The following RNF220 variants were observed in gnomAD, a reference collection of about 807,000 sequenced individuals.
RNF220 encodes ring finger protein 220.
In RNF220, 7 loss-of-function variants were observed where a neutral mutation model predicts 67.1. The ratio of observed to expected loss-of-function variants is 0.10; its 90% CI spans 0.06 to 0.20. RNF220 has a LOEUF of 0.20. RNF220 is among the 10% of genes least tolerant of loss of function. RNF220 has a pLI of 1.00. For missense variants in RNF220, 565 were observed against 740.3 expected (o/e 0.76, Z 2.75); for synonymous variants, 270 against 283.2 (o/e 0.95, Z 0.47).
chr1:44,631,798 G>C, intron 5 of RNF220: 1 of 640,186 alleles, frequency 1.6e-6, no homozygotes, highest in Non-Finnish European at 1.9e-6. Context: ...GGACTTCGCA[G>C]CCGCTAAAGA....
chr1:44,644,605 G>C (rs546365647), intron 8 of RNF220, 93 bp from the exon 9 acceptor site: 1 of 930,906 alleles, frequency 1.1e-6, no homozygotes, highest in East Asian at 2.4e-5. Context: ...GGCCTTATCA[G>C]GTCCAAAGCC....
At chr1:44,602,053 A>G (rs1254867450) in intron 2 of RNF220, among the ~76,000 whole-genome samples, 1 of 152,098 alleles carries the variant, frequency 6.6e-6, no homozygotes, top group Non-Finnish European at 1.5e-5. Context: ...GAGCAAGTTA[A>G]ATGGATACAA....
In RNF220 at chr1:44,443,183, G is replaced by A. The variant is rs569369236; in HGVS notation, c.625+30461G>A. Among the ~76,000 whole-genome samples, 9 of 152,224 alleles carry A rather than the reference G, an allele frequency of 5.9e-5. No individual in the cohort carries two copies. In the East Asian group the frequency reaches 1.7e-3, roughly 29 times the overall value. ...CGTGTGGGCACTGAATACTCAGCAG[G>A]ACCAAAACCAGATTTACCATCTTCT... On this transcript the variant is annotated intron_variant, in intron 2 of 14. Coordinates refer to ENST00000361799, the MANE Select transcript of RNF220 (RefSeq NM_018150.4).
chr1:44,610,328 G>T (rs930051347), intron 2 of RNF220, among the ~76,000 whole-genome samples: 1 of 152,198 alleles, frequency 6.6e-6, no homozygotes, highest in Non-Finnish European at 1.5e-5. Flanking sequence ...TAGCAGGAAC[G>T]GCAAGCGCCC....
intron 5 of RNF220, 97 bp downstream of exon 5, chr1:44,626,495 C>CTCTCCTGTGGCCT: frequency 2.1e-6 from 2 of 946,442 alleles, no homozygotes; most frequent in Non-Finnish European, 3.3e-6. Flanking sequence ...CTCTGTAGGC[C>CTCTCCTGTGGCCT]ACAGGAGAGG....
At position 44,418,075 on chromosome 1, in the gene RNF220, C is replaced by T. The variant is rs563590100; in HGVS notation, c.625+5353C>T. Among the ~76,000 whole-genome samples the T allele has an allele frequency of 1.2e-4, 18 of 152,314 alleles. 1 individual carries two copies. In the South Asian group the frequency reaches 3.7e-3, roughly 32 times the overall value. On this transcript the variant is annotated intron_variant, in intron 2 of 14. Transcript: ENST00000361799. The stretch of plus-strand genomic sequence containing the variant: ...AAGAACCCAGTCCCCGATCGGTTTC[C>T]TCTACGCCGTCTGAGCAGAAGAGAG...
In RNF220 at chr1:44,554,085, G is replaced by A. The variant is rs374306279; in HGVS notation, c.626-60080G>A. Reference sequence around the variant, plus strand: ...AAGGCAAGCAAGCTTGGTTGTTGGGGCAGAAGACAGAAATCAGCTTTCAGG... The same window carrying A: ...AAGGCAAGCAAGCTTGGTTGTTGGGACAGAAGACAGAAATCAGCTTTCAGG... On this transcript the variant is annotated intron_variant, in intron 2 of 14. Transcript: ENST00000361799. Among the ~76,000 whole-genome samples, 7 of 152,278 alleles carry A rather than the reference G, an allele frequency of 4.6e-5. No homozygotes were observed. The East Asian group carries it at 1.4e-3, about 29-fold the overall frequency.
At position 44,542,258 on chromosome 1, in the gene RNF220, T is replaced by C. The variant is rs143859375; in HGVS notation, c.626-71907T>C. ...CTGTCAATCAGACAGTGAACAAAGA[T>C]GCACAAGAAACCTCAGTGGGCAGGA... On this transcript the variant is annotated intron_variant, in intron 2 of 14. Transcript: ENST00000361799. Among the ~76,000 whole-genome samples, 665 of 152,316 alleles carry C rather than the reference T, an allele frequency of 4.4e-3. 5 individuals carry two copies. The highest frequency in any genetic ancestry group is 0.015 in the African/African-American group (633 of 41,564).
intron 2 of RNF220, among the ~76,000 whole-genome samples, chr1:44,536,751 C>T (rs1434787186): frequency 1.3e-5 from 2 of 152,112 alleles, no homozygotes; most frequent in South Asian, 2.1e-4. Context: ...AAGGGGAATT[C>T]GAAACAACTG....
intron 2 of RNF220, among the ~76,000 whole-genome samples, chr1:44,555,591 CAG>C (rs1572868817): frequency 2.0e-5 from 3 of 150,134 alleles, no homozygotes; most frequent in East Asian, 2.1e-4. Flanking sequence ...TCTCCTGCCT[CAG>C]CCTCTGGAGT....
At chr1:44,634,276 T>C (rs1260611503) in intron 6 of RNF220, among the ~76,000 whole-genome samples, 3 of 152,204 alleles carry the variant, frequency 2.0e-5, no homozygotes, top group Non-Finnish European at 4.4e-5. Context: ...ATCTTGCCTT[T>C]GCCACTTTTT....
intron 2 of RNF220, among the ~76,000 whole-genome samples, chr1:44,443,120 T>A (rs76651037): frequency 6.6e-6 from 1 of 152,218 alleles, no homozygotes; most frequent in Admixed American, 6.5e-5. Context: ...TTCACTCATG[T>A]GTATCTGGCT....
At chr1:44,632,294 C>T (rs1172985263) in intron 5 of RNF220, 49 bp from the exon 6 acceptor site, 1 of 1,613,964 alleles carries the variant, frequency 6.2e-7, no homozygotes, top group Non-Finnish European at 8.5e-7. Flanking sequence ...GCAGGCCGCG[C>T]CTGACGCTCT....
intron 2 of RNF220, among the ~76,000 whole-genome samples, chr1:44,510,596 C>T (rs1428674066): frequency 6.6e-6 from 1 of 152,186 alleles, no homozygotes; most frequent in African/African-American, 2.4e-5. Flanking sequence ...TTTTACTGCT[C>T]AAAGAAGCCT....
chr1:44,441,192 A>G (rs528229290), intron 2 of RNF220, among the ~76,000 whole-genome samples: 1 of 152,284 alleles, frequency 6.6e-6, no homozygotes, highest in East Asian at 1.9e-4. Context: ...AGTTGAGAGA[A>G]TAGTGTGTCA....
chr1:44,450,698 A>G (rs1360146438), intron 2 of RNF220, among the ~76,000 whole-genome samples: 11 of 152,112 alleles, frequency 7.2e-5, no homozygotes, highest in Non-Finnish European at 1.3e-4. Flanking sequence ...AACTACCACA[A>G]TTTATTTGGT....
In RNF220 at chr1:44,632,656, G is replaced by A. The variant is rs565851588; in HGVS notation, c.949+271G>A. 2.2e-4 allele frequency: 124 copies of A among 570,838 alleles called. No individual in the cohort carries two copies. In the South Asian group the frequency reaches 2.5e-3, roughly 11 times the overall value. The allele number at this position is 570,838 out of a possible 1,614,324, so 35.4% of individuals were successfully genotyped here. On this transcript the variant is annotated intron_variant, in intron 6 of 14. Transcript: ENST00000361799. ...CAATAAGTGCCGGAGAATGAGGAAC[G>A]AGCTACACAATTCTACTCGGGAGCT... is the stretch of plus-strand genomic sequence containing the variant.
chr1:44,557,447 AGAAG>A lies in RNF220; in HGVS notation c.626-56703_626-56700del, dbSNP rs199502720. Among the ~76,000 whole-genome samples, 345 of 151,560 alleles carry A rather than the reference AGAAG, an allele frequency of 2.3e-3. 5 individuals are homozygous for A. In the East Asian group the frequency reaches 0.03, roughly 13 times the overall value. Reference sequence around the variant, plus strand: ...GGGAGGGAGGGAGAGAGGGAGGGAAAGAAGGAAGGAAGGAAGGAGAGCGAAACTG... The same window carrying A: ...GGGAGGGAGGGAGAGAGGGAGGGAAAGAAGGAAGGAAGGAGAGCGAAACTG... On this transcript the variant is annotated intron_variant, in intron 2 of 14. Coordinates refer to ENST00000361799, the MANE Select transcript of RNF220 (RefSeq NM_018150.4).
At chr1:44,543,864 A>T (rs1661892400) in intron 2 of RNF220, among the ~76,000 whole-genome samples, 7 of 152,166 alleles carry the variant, frequency 4.6e-5, no homozygotes, top group Admixed American at 3.9e-4. Context: ...GCCAGCTCTG[A>T]TCCCAAAGAA....
Sources: gnomAD v4.1 joint callset for allele counts (sites outside exome capture counted in the v4.1 genomes callset) on GRCh38, gnomAD v4.1.1 for gene constraint, MANE v1.5 for transcripts, NCBI Gene and HGNC (gene_info 2026-07-23, HGNC 2026-07-21) for gene names.